The following CTNNA3 variants were observed in gnomAD, a reference collection of about 807,000 sequenced individuals.
CTNNA3 encodes the protein catenin alpha 3.
Under a neutral mutation model 95.7 loss-of-function variants are expected in CTNNA3, and 76 were observed. That is an observed-to-expected ratio of 0.79 (90% CI 0.66 to 0.96). The LOEUF is 0.96. Ranked by LOEUF, CTNNA3 falls within the 40% of genes least tolerant of loss-of-function variation. CTNNA3 has a pLI of 0.00. For synonymous variants in CTNNA3, 431 were observed against 374.4 expected (o/e 1.15, Z -1.74); for missense variants, 1,191 against 1,089.8 (o/e 1.09, Z -1.31).
chr10:67,051,392 C>T (rs2133185645), intron 7 of CTNNA3, among the ~76,000 whole-genome samples: 2 of 152,254 alleles, frequency 1.3e-5, no homozygotes, highest in Admixed American at 1.3e-4. Flanking sequence ...TTCCCTTGGA[C>T]ATTTTAACAG....
chr10:66,865,061 G>A (rs1844111676), intron 7 of CTNNA3, among the ~76,000 whole-genome samples: 1 of 152,020 alleles, frequency 6.6e-6, no homozygotes, highest in South Asian at 2.1e-4. Flanking sequence ...TTATGCAACT[G>A]TTGGGATGAC....
chr10:67,596,135 T>C (rs1842926514), intron 3 of CTNNA3, among the ~76,000 whole-genome samples: 1 of 152,222 alleles, frequency 6.6e-6, no homozygotes, highest in Non-Finnish European at 1.5e-5. Flanking sequence ...CATTTATGGT[T>C]AACATTGATA....
At chr10:66,162,064 T>C (rs185109582) in intron 13 of CTNNA3, among the ~76,000 whole-genome samples, 136 of 152,178 alleles carry the variant, frequency 8.9e-4, no homozygotes, top group African/African-American at 3.2e-3. Flanking sequence ...ATTTTTTTTT[T>C]CTTTAAGCTA....
intron 7 of CTNNA3, among the ~76,000 whole-genome samples, chr10:66,840,847 G>A (rs1843043181): frequency 6.6e-6 from 1 of 152,068 alleles, no homozygotes; most frequent in African/African-American, 2.4e-5. Context: ...AATAGCCAAA[G>A]AGAAGCATGG....
At chr10:67,224,978 C>T (rs1433124259) in intron 5 of CTNNA3, among the ~76,000 whole-genome samples, 1 of 152,136 alleles carries the variant, frequency 6.6e-6, no homozygotes, top group Admixed American at 6.5e-5. Flanking sequence ...TAGCCTGGGG[C>T]AAGTTCTCAA....
rs758092288 is a variant in CTNNA3 at position 66,360,816 on chromosome 10, C to CCTTTCTTTCTTTCTTTCTTT, written c.1732+18316_1732+18335dup. On this transcript the variant is annotated intron_variant, in intron 12 of 17. Transcript: ENST00000433211. ...TCCTTCCTTCCTTCCTTCCTTCCTT[C>CCTTTCTTTCTTTCTTTCTTT]CTTTCTTTCTTTCTTTCTTTCTTTC... 1.7e-3 allele frequency among the ~76,000 whole-genome samples: 87 copies of CCTTTCTTTCTTTCTTTCTTT among 50,246 alleles called. 1 individual carries two copies. Among genetic ancestry groups the CCTTTCTTTCTTTCTTTCTTT allele is most frequent in the Non-Finnish European group, 2.3e-3 (59 of 25,816 alleles). The allele number at this position is 50,246 out of a possible 152,430, so 33.0% of individuals were successfully genotyped here.
At chr10:67,222,145 T>C (rs771278999) in intron 5 of CTNNA3, among the ~76,000 whole-genome samples, 24 of 152,214 alleles carry the variant, frequency 1.6e-4, no homozygotes, top group African/African-American at 1.9e-4. Context: ...ATATTTTTAG[T>C]TCCTTCCCTT....
At chr10:66,261,984 G>A (rs1470592012) in intron 13 of CTNNA3, among the ~76,000 whole-genome samples, 1 of 151,838 alleles carries the variant, frequency 6.6e-6, no homozygotes, top group African/African-American at 2.4e-5. Flanking sequence ...CTTCTCCTTC[G>A]ATGGCCCAAC....
At chr10:66,262,765 T>C (rs1279630119) in intron 13 of CTNNA3, among the ~76,000 whole-genome samples, 1 of 152,032 alleles carries the variant, frequency 6.6e-6, no homozygotes, top group Non-Finnish European at 1.5e-5. Context: ...TTTAATTTGG[T>C]ATAACAAGAG....
At chr10:67,574,973 C>A (rs1032300155) in intron 3 of CTNNA3, among the ~76,000 whole-genome samples, 1 of 152,124 alleles carries the variant, frequency 6.6e-6, no homozygotes, top group African/African-American at 2.4e-5. Flanking sequence ...AATCACAGTG[C>A]ACCATTAATG....
At chr10:67,631,294 T>C (rs1180749706) in intron 2 of CTNNA3, among the ~76,000 whole-genome samples, 1 of 150,774 alleles carries the variant, frequency 6.6e-6, no homozygotes, top group Non-Finnish European at 1.5e-5. Flanking sequence ...AAAATCTCTG[T>C]GCCCAAGAGA....
At chr10:66,616,353 G>A (rs1415856148) in intron 10 of CTNNA3, among the ~76,000 whole-genome samples, 1 of 152,062 alleles carries the variant, frequency 6.6e-6, no homozygotes, top group Non-Finnish European at 1.5e-5. Flanking sequence ...TCTATATTGA[G>A]ATAAAATTTG....
At chr10:66,449,928 T>C (rs1404391838) in intron 11 of CTNNA3, among the ~76,000 whole-genome samples, 4 of 152,134 alleles carry the variant, frequency 2.6e-5, no homozygotes, top group African/African-American at 7.2e-5. Flanking sequence ...AACATAATAT[T>C]GGCTTTGATT....
intron 9 of CTNNA3, among the ~76,000 whole-genome samples, chr10:66,635,958 G>A (rs1353115891): frequency 2.0e-5 from 3 of 150,946 alleles, no homozygotes; most frequent in African/African-American, 7.3e-5. Context: ...AGTATAAATT[G>A]CCGATAATGA....
chr10:66,124,844 C>T (rs2082740004), intron 13 of CTNNA3, among the ~76,000 whole-genome samples: 1 of 152,150 alleles, frequency 6.6e-6, no homozygotes, highest in South Asian at 2.1e-4. Flanking sequence ...CTCTTAATTC[C>T]ATCACCTCCC....
intron 17 of CTNNA3, among the ~76,000 whole-genome samples, chr10:65,923,648 T>C (rs1174454629): frequency 1.3e-5 from 2 of 152,218 alleles, no homozygotes; most frequent in Non-Finnish European, 2.9e-5. Flanking sequence ...ATTGAGAAGG[T>C]AGTTCATTCT....
At chr10:66,704,572 G>T (rs1484762746) in intron 9 of CTNNA3, among the ~76,000 whole-genome samples, 1 of 152,118 alleles carries the variant, frequency 6.6e-6, no homozygotes, top group Non-Finnish European at 1.5e-5. Flanking sequence ...CATAGTGGGG[G>T]TGGAGGAATC....
chr10:66,668,042 A>G (rs1287111817), intron 9 of CTNNA3, among the ~76,000 whole-genome samples: 1 of 152,178 alleles, frequency 6.6e-6, no homozygotes, highest in Non-Finnish European at 1.5e-5. Flanking sequence ...ATCATGAATC[A>G]TTCACTCACA....
In CTNNA3 at chr10:66,037,065, G is replaced by A. The variant is rs1273999673; in HGVS notation, c.2159+32243C>T. Among the ~76,000 whole-genome samples the A allele has an allele frequency of 3.3e-5, 5 of 151,658 alleles. No homozygotes were observed. In the East Asian group the frequency reaches 7.8e-4, roughly 24 times the overall value. On this transcript the variant is annotated intron_variant, in intron 15 of 17. Coordinates refer to ENST00000433211, the MANE Select transcript of CTNNA3 (RefSeq NM_013266.4). The stretch of plus-strand genomic sequence containing the variant: ...TTTTTTGTGTATTTAGTAGAGATGG[G>A]GTTTCACCATGTTAGCCAGGATGGT...
Sources: gnomAD v4.1 joint callset for allele counts (sites outside exome capture counted in the v4.1 genomes callset) on GRCh38, gnomAD v4.1.1 for gene constraint, MANE v1.5 for transcripts, NCBI Gene and HGNC (gene_info 2026-07-23, HGNC 2026-07-21) for gene names.